Variants in RAPGEF5 observed in about 807,000 individuals in gnomAD.
RAPGEF5 encodes Rap guanine nucleotide exchange factor 5.
A neutral mutation model predicts 125.2 loss-of-function variants in RAPGEF5; 65 were observed. The observed-to-expected ratio is 0.52, with a 90% CI of 0.43 to 0.64. The LOEUF is 0.64. Ranked by LOEUF, RAPGEF5 falls within the 30% of genes least tolerant of loss-of-function variation. RAPGEF5 has a pLI of 0.00. For missense variants in RAPGEF5, 958 were observed against 1,048.1 expected, an observed-to-expected ratio of 0.91 and a Z score of 1.19; for synonymous variants, 391 against 385.9, an observed-to-expected ratio of 1.01 and a Z score of -0.16.
rs1782564994 is a variant in RAPGEF5, at chr7:22,120,993, A to C, written c.*1413T>G. 1 of 152,186 alleles carries C rather than the reference A, an allele frequency of 6.6e-6. No homozygotes were observed. The highest frequency in any genetic ancestry group is 2.4e-5 in the African/African-American group (1 of 41,434). 9.4% of individuals were successfully genotyped at this position (152,186 alleles called of 1,614,324 possible). ...AGGCAGGAAGAGTGAGAAGTGCACC[A>C]AGACTCCTGCATTTGGAAAATGAAT... On this transcript the variant is annotated 3_prime_UTR_variant, in exon 26 of 26. Transcript: ENST00000665637. This position sits in a 1 kb window ranked among gnomAD's most constrained non-coding sequence, Gnocchi z 4.0.
At chr7:22,237,452 G>T (rs868558115) in intron 7 of RAPGEF5, among the ~76,000 whole-genome samples, 30 of 127,972 alleles carry the variant, frequency 2.3e-4, no homozygotes, top group Middle Eastern at 8.6e-3. Flanking sequence ...CTTTCCTCAG[G>T]AAACAACCTT....
intron 7 of RAPGEF5, among the ~76,000 whole-genome samples, chr7:22,252,071 C>G (rs911762195): frequency 4.9e-4 from 74 of 152,154 alleles, no homozygotes; most frequent in African/African-American, 1.8e-3. Context: ...TAGCTCTCAA[C>G]TAGAAAACTT....
chr7:22,348,192 C>T (rs1279040430), intron 1 of RAPGEF5, among the ~76,000 whole-genome samples: 2 of 152,148 alleles, frequency 1.3e-5, no homozygotes, highest in Admixed American at 1.3e-4. Context: ...TTTTGCTGTG[C>T]TATCTTTTGA....
At chr7:22,283,481 A>G (rs892140376) in intron 6 of RAPGEF5, among the ~76,000 whole-genome samples, 1 of 152,224 alleles carries the variant, frequency 6.6e-6, no homozygotes, top group African/African-American at 2.4e-5. Context: ...TAACACTGAC[A>G]GAAGTATGCA....
intron 6 of RAPGEF5, among the ~76,000 whole-genome samples, chr7:22,285,096 C>G (rs1250082110): frequency 6.6e-6 from 1 of 152,166 alleles, no homozygotes; most frequent in African/African-American, 2.4e-5. Flanking sequence ...CACAGAGCAC[C>G]GTGGAGTACC....
intron 3 of RAPGEF5, among the ~76,000 whole-genome samples, chr7:22,314,203 T>A (rs937043432): frequency 6.6e-6 from 1 of 152,156 alleles, no homozygotes; most frequent in Non-Finnish European, 1.5e-5. Flanking sequence ...AATTTTGTGA[T>A]GTTAAAAAAA....
chr7:22,341,601 C>A lies in RAPGEF5; in HGVS notation c.231+15229G>T, dbSNP rs543911029. ...AAGCAAGTTAGTTACTTCCTAAATA[C>A]AACGGGGGTGAAGGCATTGAGTAAA... is the stretch of plus-strand genomic sequence containing the variant. On this transcript the variant is annotated intron_variant, in intron 1 of 25. Coordinates refer to ENST00000665637, the MANE Select transcript of RAPGEF5 (RefSeq NM_012294.5). 3.3e-5 allele frequency among the ~76,000 whole-genome samples: 5 copies of A among 152,348 alleles called. No individual in the cohort carries two copies. The South Asian group carries it at 1.0e-3, about 32-fold the overall frequency.
intron 7 of RAPGEF5, among the ~76,000 whole-genome samples, chr7:22,264,319 T>C (rs1782231456): frequency 6.6e-6 from 1 of 152,224 alleles, no homozygotes; most frequent in African/African-American, 2.4e-5. Context: ...TTAGTACAAG[T>C]GTATGAGATC....
rs185161082 is a variant in RAPGEF5 at position 22,167,111 on chromosome 7, G to C, written c.1242C>G (p.Val414=). ...LLDDFLLTYT[V]FMTTDDLCQA... is the part of the protein sequence containing the mutation. ...GGCACAAGTCATCAGTTGTCATGAA[G>C]ACAGTGTACGTGAGAAGGAAGTCAT... The change falls in exon 12 of 26, where the codon GTC becomes GTG. Residue 414 remains valine, a synonymous_variant. Transcript: ENST00000665637. 1 of 1,613,080 alleles carries C rather than the reference G, an allele frequency of 6.2e-7. No individual in the cohort carries two copies. Among genetic ancestry groups the C allele is most frequent in the African/African-American group, 1.3e-5 (1 of 74,942 alleles).
chr7:22,139,844 T>C, intron 21 of RAPGEF5, 181 bp downstream of exon 21: 1 of 542,332 alleles, frequency 1.8e-6, no homozygotes, highest in African/African-American at 1.9e-5. Flanking sequence ...CACGTTACCA[T>C]TTTTATCTAG....
At chr7:22,193,167 C>T in intron 11 of RAPGEF5, 200 bp downstream of exon 11, 1 of 613,908 alleles carries the variant, frequency 1.6e-6, no homozygotes, top group Non-Finnish European at 2.8e-6. Context: ...CAGCTACTTC[C>T]CAGGGAGCTG....
rs144588059 is a variant in RAPGEF5, at chr7:22,174,406, G to C, written c.1205-7258C>G. On this transcript the variant is annotated intron_variant, in intron 11 of 25. Transcript: ENST00000665637. Reference sequence around the variant, plus strand: ...TTCTGTGAGTTGACAAAATTTAAAAGTCAGAAGATCTGGCAACACCAGGGC... The same window carrying C: ...TTCTGTGAGTTGACAAAATTTAAAACTCAGAAGATCTGGCAACACCAGGGC... Among the ~76,000 whole-genome samples, 14 of 152,286 alleles carry C rather than the reference G, an allele frequency of 9.2e-5. No individual in the cohort carries two copies. The East Asian group carries it at 2.1e-3, about 23-fold the overall frequency.
intron 7 of RAPGEF5, among the ~76,000 whole-genome samples, chr7:22,239,198 T>A (rs1229091306): frequency 6.6e-6 from 1 of 151,662 alleles, no homozygotes. Flanking sequence ...GAGGCAGGAG[T>A]GGTCACTGGC....
At chr7:22,248,493 C>T (rs1562487662) in intron 7 of RAPGEF5, among the ~76,000 whole-genome samples, 2 of 152,230 alleles carry the variant, frequency 1.3e-5, no homozygotes, top group African/African-American at 2.4e-5. Flanking sequence ...ATGGAATCTG[C>T]CCCTTCCCTA....
At chr7:22,193,272 C>T (rs1221424046) in intron 11 of RAPGEF5, 95 bp downstream of exon 11, 1 of 1,347,222 alleles carries the variant, frequency 7.4e-7, no homozygotes, top group Non-Finnish European at 1.0e-6. Flanking sequence ...CTCCCCACCC[C>T]GGTTTCAGCT....
At chr7:22,144,198 T>C (rs1272321234) in intron 20 of RAPGEF5, among the ~76,000 whole-genome samples, 1 of 152,214 alleles carries the variant, frequency 6.6e-6, no homozygotes, top group Non-Finnish European at 1.5e-5. Context: ...CATTGCTATT[T>C]ACCAAGGTCT....
chr7:22,127,013 C>T (rs1451612778), intron 24 of RAPGEF5, among the ~76,000 whole-genome samples: 2 of 150,330 alleles, frequency 1.3e-5, no homozygotes, highest in African/African-American at 4.9e-5. Flanking sequence ...TCCTTGAAGT[C>T]CTCACTGATT....
intron 7 of RAPGEF5, among the ~76,000 whole-genome samples, chr7:22,233,621 T>A (rs561931604): frequency 6.6e-6 from 1 of 152,248 alleles, no homozygotes; most frequent in Non-Finnish European, 1.5e-5. Context: ...CATGCTGGAC[T>A]TCTTGGGCTC....
At chr7:22,343,084 T>C (rs374687759) in intron 1 of RAPGEF5, among the ~76,000 whole-genome samples, 3 of 152,344 alleles carry the variant, frequency 2.0e-5, no homozygotes, top group Non-Finnish European at 1.5e-5. Context: ...AGAGGTTTAA[T>C]GGACTTACAG....
Sources: gnomAD v4.1 joint callset for allele counts (sites outside exome capture counted in the v4.1 genomes callset) on GRCh38, gnomAD v4.1.1 for gene constraint, Gnocchi (gnomAD v3.1) non-coding constraint, MANE v1.5 for transcripts, NCBI Gene and HGNC (gene_info 2026-07-23, HGNC 2026-07-21) for gene names.